DLG2: variants seen among roughly 807,000 people sequenced by gnomAD.
DLG2 encodes disks large homolog 2.
In DLG2, 45 loss-of-function variants were observed where a neutral mutation model predicts 132.5. That is an observed-to-expected ratio of 0.34 (90% CI 0.27 to 0.44). DLG2 has a LOEUF of 0.44. Among genes scored for constraint, DLG2 ranks in the 20% least tolerant of loss-of-function variants. The probability of loss-of-function intolerance (pLI) is 1.00; values close to 1 mark genes in which losing one functional copy is unlikely to be tolerated. For synonymous variants in DLG2, 424 were observed against 419.6 expected (o/e 1.01, Z -0.13); for missense variants, 1,045 against 1,196.9 (o/e 0.87, Z 1.87).
At chr11:84,573,505 A>G (rs1167082024) in intron 6 of DLG2, among the ~76,000 whole-genome samples, 1 of 152,172 alleles carries the variant, frequency 6.6e-6, no homozygotes, top group Non-Finnish European at 1.5e-5. Flanking sequence ...CAAGGTTAAC[A>G]TTAAGGTAGG....
intron 8 of DLG2, among the ~76,000 whole-genome samples, chr11:84,194,819 C>T (rs1211563125): frequency 6.6e-6 from 1 of 152,192 alleles, no homozygotes; most frequent in Non-Finnish European, 1.5e-5. Context: ...CCACACTCCT[C>T]AGCCCTTGGG....
At chr11:84,584,287 A>G (rs1005187845) in intron 6 of DLG2, among the ~76,000 whole-genome samples, 9 of 152,144 alleles carry the variant, frequency 5.9e-5, no homozygotes, top group South Asian at 2.1e-4. Context: ...GTTATACTAT[A>G]TAAGTATTCA....
intron 9 of DLG2, among the ~76,000 whole-genome samples, chr11:84,130,523 CATATAT>C (rs1408293706): frequency 3.2e-4 from 43 of 136,470 alleles, no homozygotes; most frequent in Middle Eastern, 3.8e-3. Flanking sequence ...CACACACACA[CATATAT>C]GTGTGTGTGT....
chr11:83,859,748 T>C (rs1332416068), intron 16 of DLG2, among the ~76,000 whole-genome samples: 1 of 152,172 alleles, frequency 6.6e-6, no homozygotes, highest in Non-Finnish European at 1.5e-5. Context: ...GGAAAATGTC[T>C]CCAGGGCATC....
chr11:85,379,437 G>C (rs147807579), intron 3 of DLG2, among the ~76,000 whole-genome samples: 3 of 152,214 alleles, frequency 2.0e-5, no homozygotes, highest in Admixed American at 2.0e-4. Flanking sequence ...CTCCCTACAT[G>C]TTCCTCAGAA....
At chr11:84,210,328 T>G (rs1813461) in intron 8 of DLG2, among the ~76,000 whole-genome samples, 1 of 145,712 alleles carries the variant, frequency 6.9e-6, no homozygotes, top group Admixed American at 6.9e-5. Flanking sequence ...GTCCACAAAG[T>G]GTCCTGTAAA....
intron 6 of DLG2, among the ~76,000 whole-genome samples, chr11:84,768,204 T>C (rs2068714815): frequency 6.6e-6 from 1 of 152,220 alleles, no homozygotes; most frequent in Non-Finnish European, 1.5e-5. Flanking sequence ...ACGATTCTTA[T>C]CCTACCCCAA....
rs200059104 is a variant in DLG2, at chr11:85,588,688, A to AT, written c.40+9968dup. ...AAATTCTTTATCTGGCAATTCAGAG[A>AT]TTTTTTTTTATTGGTTTGAATCAAT... On this transcript the variant is annotated intron_variant, in intron 3 of 27. Coordinates refer to ENST00000376104, the MANE Select transcript of DLG2 (RefSeq NM_001142699.3). Among the ~76,000 whole-genome samples the AT allele has an allele frequency of 8.0e-4, 121 of 151,346 alleles. 3 individuals are homozygous for AT. Among genetic ancestry groups the AT allele is most frequent in the African/African-American group, 2.3e-3 (96 of 41,234 alleles).
At chr11:84,153,330 C>T (rs1356320881) in intron 9 of DLG2, among the ~76,000 whole-genome samples, 1 of 152,052 alleles carries the variant, frequency 6.6e-6, no homozygotes, top group African/African-American at 2.4e-5. Context: ...GGTTGGTCAT[C>T]TTGTATAGTA....
At chr11:84,080,294 A>C (rs2096884584) in intron 10 of DLG2, among the ~76,000 whole-genome samples, 2 of 152,222 alleles carry the variant, frequency 1.3e-5, no homozygotes. Flanking sequence ...TCCCAATGAC[A>C]GTGAATCAGC....
At chr11:85,292,336 G>T (rs1351104893) in intron 3 of DLG2, among the ~76,000 whole-genome samples, 1 of 151,900 alleles carries the variant, frequency 6.6e-6, no homozygotes, top group African/African-American at 2.4e-5. Context: ...TGGAACTAGA[G>T]GAATAAAGTT....
intron 10 of DLG2, among the ~76,000 whole-genome samples, chr11:84,088,740 CT>C (rs1214805649): frequency 6.6e-6 from 1 of 152,130 alleles, no homozygotes; most frequent in Admixed American, 6.5e-5. Flanking sequence ...CCCTTCAATA[CT>C]TTTCACTTTT....
intron 3 of DLG2, among the ~76,000 whole-genome samples, chr11:85,481,854 A>G (rs532443364): frequency 4.3e-4 from 65 of 151,836 alleles, no homozygotes; most frequent in African/African-American, 1.6e-3. Context: ...GTCCAGTGCC[A>G]GACCAGCCCC....
At position 84,680,076 on chromosome 11, in the gene DLG2, C is replaced by G. The variant is rs76405790; in HGVS notation, c.358-145345G>C. Among the ~76,000 whole-genome samples, 55 of 152,226 alleles carry G rather than the reference C, an allele frequency of 3.6e-4. No individual in the cohort carries two copies. The East Asian group carries it at 8.9e-3, about 25-fold the overall frequency. ...AATGTTAGAGCCATTTCCAACTCTT[C>G]ACTTCTTTATACATGATAGTGACAT... On this transcript the variant is annotated intron_variant, in intron 6 of 27. Coordinates refer to ENST00000376104, the MANE Select transcript of DLG2 (RefSeq NM_001142699.3).
chr11:84,791,326 G>A (rs540743620), intron 6 of DLG2, among the ~76,000 whole-genome samples: 36 of 152,220 alleles, frequency 2.4e-4, no homozygotes, highest in Admixed American at 1.0e-3. Context: ...TGGCAGTACC[G>A]TGCTATTGTG....
intron 6 of DLG2, among the ~76,000 whole-genome samples, chr11:84,896,430 G>A (rs2090193259): frequency 6.6e-6 from 1 of 152,002 alleles, no homozygotes; most frequent in South Asian, 2.1e-4. Context: ...CTCATCAACA[G>A]CAAGAAATCT....
At chr11:85,027,171 CTCTTTT>C in intron 6 of DLG2, among the ~76,000 whole-genome samples, 1 of 68,152 alleles carries the variant, frequency 1.5e-5, no homozygotes, top group East Asian at 6.7e-4. Context: ...ACAGTGTGGT[CTCTTTT>C]TTTTTTTTTT....
At chr11:85,484,680 A>AGG (rs2093386884) in intron 3 of DLG2, among the ~76,000 whole-genome samples, 1 of 152,036 alleles carries the variant, frequency 6.6e-6, no homozygotes, top group South Asian at 2.1e-4. Flanking sequence ...TAGAATGGCT[A>AGG]TCATTAAAAA....
intron 14 of DLG2, among the ~76,000 whole-genome samples, chr11:83,959,672 C>G (rs769391874): frequency 1.3e-5 from 2 of 152,044 alleles, no homozygotes; most frequent in Non-Finnish European, 2.9e-5. Context: ...CAGAGATGAA[C>G]TGACTTGTTC....
Sources: gnomAD v4.1 joint callset for allele counts (sites outside exome capture counted in the v4.1 genomes callset) on GRCh38, gnomAD v4.1.1 for gene constraint, MANE v1.5 for transcripts, NCBI Gene and HGNC (gene_info 2026-07-23, HGNC 2026-07-21) for gene names.